Variants in XDH observed in about 807,000 individuals in gnomAD.
The protein encoded by XDH is xanthine dehydrogenase/oxidase.
XDH carries 138 observed loss-of-function variants against 156.1 expected under a neutral mutation model. That is an observed-to-expected ratio of 0.88 (90% CI 0.77 to 1.02). The LOEUF (loss-of-function observed/expected upper bound fraction) is 1.02. Among genes scored for constraint, XDH ranks in the 50% least tolerant of loss-of-function variants. The probability of loss-of-function intolerance (pLI) is 0.00; values close to 1 mark genes in which losing one functional copy is unlikely to be tolerated. For missense variants in XDH, 1,849 were observed against 1,684.9 expected, an observed-to-expected ratio of 1.10 and a Z score of -1.71; for synonymous variants, 669 against 625.7, an observed-to-expected ratio of 1.07 and a Z score of -1.03.
At position 31,373,898 on chromosome 2, in the gene XDH, G is replaced by A. The variant is rs774646333; in HGVS notation, c.1661C>T (p.Pro554Leu). 5 of 1,613,894 alleles carry A rather than the reference G, an allele frequency of 3.1e-6. No homozygotes were observed. The highest frequency in any genetic ancestry group is 2.2e-5 in the South Asian group (2 of 91,040). ...TTGGAAGAGCTGGACATCGGCTGGGGGGTCTTTCTGAAACAGTAAAGTTGC... is the reference window on the plus strand; with the variant it reads ...TTGGAAGAGCTGGACATCGGCTGGGAGGTCTTTCTGAAACAGTAAAGTTGC... Reference protein sequence around the residue: ...ASATLLFQKDPPADVQLFQEV... With the variant: ...ASATLLFQKDLPADVQLFQEV... The change falls in exon 16 of 36, where the codon CCC becomes CTC. Residue 554 changes from proline (P) to leucine (L), a missense_variant. Transcript: ENST00000379416.
chr2:31,387,930 T>C, intron 7 of XDH, 33 bp from the exon 8 acceptor site: 2 of 1,547,502 alleles, frequency 1.3e-6, no homozygotes, highest in South Asian at 2.4e-5. Context: ...GGTGATGCAG[T>C]ATCTCCTCCT....
chr2:31,412,401 A>G (rs1687364931), intron 1 of XDH, among the ~76,000 whole-genome samples: 2 of 152,010 alleles, frequency 1.3e-5, no homozygotes, highest in South Asian at 4.2e-4. Context: ...CAAACACTGC[A>G]TGTTCTCACT....
In XDH at chr2:31,403,731, C is replaced by A. The variant is rs1572570194; in HGVS notation, c.101-587G>T. Among the ~76,000 whole-genome samples the A allele has an allele frequency of 2.0e-5, 3 of 152,182 alleles. No individual in the cohort carries two copies. In the South Asian group the frequency reaches 6.2e-4, roughly 32 times the overall value. ...AGAGTGGTTTTTTTAGGTCTGGGTC[C>A]AATATTGGGCCTCACTCTTACATAT... On this transcript the variant is annotated intron_variant, in intron 2 of 35. Transcript: ENST00000379416.
At chr2:31,388,386 C>A in intron 6 of XDH, 91 bp from the exon 7 acceptor site, 1 of 1,409,866 alleles carries the variant, frequency 7.1e-7, no homozygotes, top group Non-Finnish European at 1.0e-6. Flanking sequence ...CAGAACACTC[C>A]AGCTCTGACG....
Position 31,341,394 on chromosome 2 carries a change from TC to T in XDH, c.3520-1del. On this transcript the variant is annotated splice_acceptor_variant, in intron 32 of 35. Coordinates refer to ENST00000379416, the MANE Select transcript of XDH (RefSeq NM_000379.4). LOFTEE classifies it high-confidence loss of function. Reference sequence around the variant, plus strand: ...TCCATGACAATATCTGTGCGGAGGTTCTAGAGTAGACAGCAAAATTACAAGA... The same window carrying T: ...TCCATGACAATATCTGTGCGGAGGTTTAGAGTAGACAGCAAAATTACAAGA... The T allele has an allele frequency of 6.3e-7, 1 of 1,574,930 alleles. No individual in the cohort carries two copies. Among genetic ancestry groups the T allele is most frequent in the Non-Finnish European group, 8.6e-7 (1 of 1,157,372 alleles).
chr2:31,411,544 A>T (rs1687343452), intron 1 of XDH, among the ~76,000 whole-genome samples: 1 of 152,154 alleles, frequency 6.6e-6, no homozygotes, highest in Non-Finnish European at 1.5e-5. Flanking sequence ...CATAAAGGGT[A>T]TTTAGTATTT....
intron 2 of XDH, among the ~76,000 whole-genome samples, chr2:31,405,321 G>A (rs1687164931): frequency 6.6e-6 from 1 of 152,086 alleles, no homozygotes; most frequent in African/African-American, 2.4e-5. Flanking sequence ...CCGATACTCA[G>A]AACTAAAGGT....
intron 15 of XDH, among the ~76,000 whole-genome samples, chr2:31,374,791 T>G (rs1686181312): frequency 6.6e-6 from 1 of 152,056 alleles, no homozygotes; most frequent in Non-Finnish European, 1.5e-5. Flanking sequence ...AGCTGCCCCC[T>G]AGCACCTCAT....
intron 1 of XDH, among the ~76,000 whole-genome samples, chr2:31,413,064 C>T (rs1687385258): frequency 6.6e-6 from 1 of 152,210 alleles, no homozygotes; most frequent in African/African-American, 2.4e-5. Context: ...TAGTGCATAA[C>T]AGCAAGCCAT....
In XDH at chr2:31,342,227, C is replaced by T. The variant is rs1346751155; in HGVS notation, c.3475G>A (p.Ala1159Thr). 6.2e-7 allele frequency: 1 copy of T among 1,614,134 alleles called. No individual in the cohort carries two copies. The highest frequency in any genetic ancestry group is 8.5e-7 in the Non-Finnish European group (1 of 1,179,990). Residue 1159 changes from alanine to threonine, a missense_variant, in exon 32 of 36, where the codon GCT becomes ACT. By Grantham distance (58) the Ala-to-Thr change is moderately conservative (BLOSUM62 0). Transcript: ENST00000379416. The part of the protein sequence containing the change: ...NPFHYFSYGV[A>T]CSEVEIDCLT... ...CAGTCGATTTCTACTTCAGAGCAAG[C>T]CACCCCATAGCTGAAGTAGTGGAAG...
At chr2:31,393,047 A>G (rs961366742) in intron 6 of XDH, among the ~76,000 whole-genome samples, 24 of 152,224 alleles carry the variant, frequency 1.6e-4, no homozygotes, top group African/African-American at 5.8e-4. Context: ...GTTTCATAGC[A>G]CAGAATGTGG....
In XDH at chr2:31,412,273, G is replaced by T. The variant is rs11678319; in HGVS notation, c.42+2352C>A. 7.6e-3 allele frequency among the ~76,000 whole-genome samples: 1,154 copies of T among 152,338 alleles called. 13 individuals carry two copies. The highest frequency in any genetic ancestry group is 0.011 in the Non-Finnish European group (761 of 68,040). On this transcript the variant is annotated intron_variant, in intron 1 of 35. Transcript: ENST00000379416. ...ATCAAGGCTCATCACCACCACAGAA[G>T]GCCCTAGAGGTATTCGACTTCTTGC...
intron 24 of XDH, among the ~76,000 whole-genome samples, chr2:31,362,828 T>C (rs1348389352): frequency 6.6e-6 from 1 of 152,230 alleles, no homozygotes; most frequent in Non-Finnish European, 1.5e-5. Context: ...AGGAATTTAG[T>C]CAAGAGAAAT....
intron 6 of XDH, among the ~76,000 whole-genome samples, chr2:31,388,877 G>T (rs1413904841): frequency 6.6e-6 from 1 of 152,218 alleles, no homozygotes; most frequent in Non-Finnish European, 1.5e-5. Context: ...CTGTGGGCCT[G>T]TTCTGGAGAA....
chr2:31,373,547 TTG>T (rs376480750), intron 16 of XDH, among the ~76,000 whole-genome samples: 4,435 of 151,978 alleles, frequency 0.029, 101 homozygotes, highest in East Asian at 0.12. Context: ...GTTTGTTTGT[TTG>T]TTTGTTTGTT....
At chr2:31,408,771 A>C (rs1687261077) in intron 1 of XDH, among the ~76,000 whole-genome samples, 1 of 152,222 alleles carries the variant, frequency 6.6e-6, no homozygotes, top group South Asian at 2.1e-4. Context: ...TGATCCAGCA[A>C]TCCCACTGCT....
chr2:31,375,695 G>C (rs965533087), intron 14 of XDH, 141 bp from the exon 15 acceptor site: 3 of 848,930 alleles, frequency 3.5e-6, no homozygotes, highest in Non-Finnish European at 5.5e-6. Context: ...GGTGACTTTA[G>C]GCAACTTTAA....
chr2:31,400,637 A>G (rs974228235), intron 4 of XDH, among the ~76,000 whole-genome samples: 3 of 152,232 alleles, frequency 2.0e-5, no homozygotes, highest in African/African-American at 4.8e-5. Flanking sequence ...TCGGATTTCA[A>G]TGCATTTTCA....
chr2:31,394,856 TA>T (rs1195459688), intron 6 of XDH, among the ~76,000 whole-genome samples: 1 of 152,210 alleles, frequency 6.6e-6, no homozygotes, highest in African/African-American at 2.4e-5. Context: ...CAATTTGTTA[TA>T]AGCGTTTTCA....
Sources: gnomAD v4.1 joint callset for allele counts (sites outside exome capture counted in the v4.1 genomes callset) on GRCh38, gnomAD v4.1.1 for gene constraint, MANE v1.5 for transcripts, NCBI Gene and HGNC (gene_info 2026-07-23, HGNC 2026-07-21) for gene names.